The following TENT2 variants were observed in gnomAD, a reference collection of about 807,000 sequenced individuals.
TENT2 encodes poly(A) RNA polymerase GLD2.
Under a neutral mutation model 72.2 loss-of-function variants are expected in TENT2, and 44 were observed. The observed-to-expected ratio is 0.61, with a 90% CI of 0.48 to 0.78. TENT2 has a LOEUF of 0.78. Among genes scored for constraint, TENT2 ranks in the 30% least tolerant of loss-of-function variants. The probability of loss-of-function intolerance (pLI) is 0.00; values close to 1 mark genes in which losing one functional copy is unlikely to be tolerated. For missense variants in TENT2, 541 were observed against 569.6 expected, an observed-to-expected ratio of 0.95 and a Z score of 0.51; for synonymous variants, 212 against 192.5, an observed-to-expected ratio of 1.10 and a Z score of -0.84.
chr5:79,654,580 G>A lies in TENT2; in HGVS notation c.1028-2378G>A, dbSNP rs116858012. On this transcript the variant is annotated intron_variant, in intron 10 of 14. Coordinates refer to ENST00000453514, the MANE Select transcript of TENT2 (RefSeq NM_001114394.3). Reference sequence around the variant, plus strand: ...ATTGTCTTTGCAGAGCCTGGCCAACGTGGCGAAACCCTGTCTCTACTAAAA... The same window carrying A: ...ATTGTCTTTGCAGAGCCTGGCCAACATGGCGAAACCCTGTCTCTACTAAAA... Among the ~76,000 whole-genome samples the A allele has an allele frequency of 5.9e-5, 9 of 152,006 alleles. No individual in the cohort carries two copies. In the East Asian group the frequency reaches 9.7e-4, roughly 16 times the overall value.
intron 6 of TENT2, among the ~76,000 whole-genome samples, chr5:79,642,197 T>G (rs1228583756): frequency 6.6e-6 from 1 of 152,072 alleles, no homozygotes; most frequent in African/African-American, 2.4e-5. Context: ...TTCATATTAT[T>G]CCACTAGCGA....
chr5:79,673,743 A>C (rs1814899478), intron 12 of TENT2, among the ~76,000 whole-genome samples: 1 of 152,176 alleles, frequency 6.6e-6, no homozygotes, highest in African/African-American at 2.4e-5. Context: ...CAAGATATTC[A>C]AGTGGAGATA....
At chr5:79,674,494 G>A (rs998789533) in intron 12 of TENT2, among the ~76,000 whole-genome samples, 1 of 152,204 alleles carries the variant, frequency 6.6e-6, no homozygotes, top group Non-Finnish European at 1.5e-5. Context: ...TTATAATCCA[G>A]TTGGGGTGGG....
chr5:79,623,523 G>A (rs1202570495), intron 4 of TENT2, 34 bp downstream of exon 4: 1 of 1,423,818 alleles, frequency 7.0e-7, no homozygotes, highest in Non-Finnish European at 9.6e-7. Flanking sequence ...TTTGCCTTTT[G>A]GGAATTTAGT....
chr5:79,651,913 T>C (rs570741659), intron 10 of TENT2, among the ~76,000 whole-genome samples: 1 of 152,256 alleles, frequency 6.6e-6, no homozygotes, highest in African/African-American at 2.4e-5. Context: ...CAGAATATAA[T>C]CTTATACTCT....
Position 79,641,214 on chromosome 5 carries a change from T to C in TENT2, c.672+18T>C. On this transcript the variant is annotated intron_variant, in intron 6 of 14. Transcript: ENST00000453514. The stretch of plus-strand genomic sequence containing the variant: ...AAGAACCAGTAAGTAAGGAAACATT[T>C]ATTCCAAGTGTGTTTCTCATGTTAA... The C allele has an allele frequency of 6.6e-7, 1 of 1,520,210 alleles. No individual in the cohort carries two copies. Among genetic ancestry groups the C allele is most frequent in the Non-Finnish European group, 8.8e-7 (1 of 1,137,632 alleles). 94.2% of individuals were successfully genotyped at this position (1,520,210 alleles called of 1,614,324 possible). A position where few individuals can be genotyped will look rare whatever the true frequency, so the allele number is the denominator to read the frequency against.
chr5:79,634,756 A>G (rs547952435), intron 4 of TENT2, among the ~76,000 whole-genome samples: 1 of 150,438 alleles, frequency 6.6e-6, no homozygotes, highest in Non-Finnish European at 1.5e-5. Flanking sequence ...AGTTAATTTT[A>G]TAATGATAGA....
intron 9 of TENT2, 138 bp downstream of exon 9, chr5:79,648,831 C>G (rs1791244749): frequency 1.2e-6 from 1 of 803,530 alleles, no homozygotes; most frequent in Admixed American, 2.9e-5. Flanking sequence ...TGTTGCTACA[C>G]TAAAATCATA....
intron 4 of TENT2, among the ~76,000 whole-genome samples, chr5:79,634,189 C>T (rs895973857): frequency 6.6e-6 from 1 of 151,360 alleles, no homozygotes; most frequent in East Asian, 1.9e-4. Flanking sequence ...TGAATCCCAG[C>T]CAGCACTTCA....
intron 10 of TENT2, among the ~76,000 whole-genome samples, chr5:79,652,010 A>T (rs184477656): frequency 3.2e-4 from 48 of 152,234 alleles, no homozygotes; most frequent in African/African-American, 1.0e-3. Context: ...AATAATGACA[A>T]AATGGAATAC....
Position 79,687,316 on chromosome 5 carries a change from G to A in TENT2, c.*2043G>A, listed in dbSNP as rs549371090. Among the ~76,000 whole-genome samples, 22 of 152,190 alleles carry A rather than the reference G, an allele frequency of 1.4e-4. No homozygotes were observed. The South Asian group carries it at 4.1e-3, about 29-fold the overall frequency. On this transcript the variant is annotated 3_prime_UTR_variant, in exon 15 of 15. Transcript: ENST00000453514. The stretch of plus-strand genomic sequence containing the variant: ...GTTATTAATCTCAATTATTTGTGTG[G>A]TGAGTACTAAATTATTTTCTGTTTG...
chr5:79,683,856 G>A (rs374736820), intron 14 of TENT2, among the ~76,000 whole-genome samples: 7 of 143,556 alleles, frequency 4.9e-5, no homozygotes, highest in South Asian at 2.2e-4. Flanking sequence ...CCCGGGAGGC[G>A]GAGCTTGCAG....
chr5:79,648,582 AAAGTTT>A (rs1791039833), intron 8 of TENT2, 29 bp from the exon 9 acceptor site: 1 of 1,408,032 alleles, frequency 7.1e-7, no homozygotes, highest in African/African-American at 1.5e-5. Flanking sequence ...TTCTTCAGCT[AAAGTTT>A]ATTTATTTAT....
Position 79,639,126 on chromosome 5 carries a change from CA to C in TENT2, c.466-1724del, listed in dbSNP as rs1716003645. Among the ~76,000 whole-genome samples the C allele has an allele frequency of 6.6e-5, 10 of 151,070 alleles. No individual in the cohort carries two copies. The South Asian group carries it at 2.1e-3, about 31-fold the overall frequency. On this transcript the variant is annotated intron_variant, in intron 4 of 14. Transcript: ENST00000453514. Reference sequence around the variant, plus strand: ...TATTGGTAGAGAGATTAGCTTTGAACAGGGGAAAAGGACGCCTTTTTTTTTT... The same window carrying C: ...TATTGGTAGAGAGATTAGCTTTGAACGGGGAAAAGGACGCCTTTTTTTTTT...
At chr5:79,660,073 A>G (rs1316821794) in intron 11 of TENT2, among the ~76,000 whole-genome samples, 1 of 152,068 alleles carries the variant, frequency 6.6e-6, no homozygotes, top group Non-Finnish European at 1.5e-5. Flanking sequence ...GAATGGAATA[A>G]ATTTGTTCAG....
intron 10 of TENT2, among the ~76,000 whole-genome samples, chr5:79,653,324 A>G (rs1300157824): frequency 6.6e-6 from 1 of 151,970 alleles, no homozygotes; most frequent in East Asian, 1.9e-4. Flanking sequence ...TCCATCTACA[A>G]AAATAAAAAA....
chr5:79,651,183 A>G (rs905312526), intron 10 of TENT2, among the ~76,000 whole-genome samples: 4 of 151,768 alleles, frequency 2.6e-5, no homozygotes, highest in Non-Finnish European at 5.9e-5. Context: ...TTTTTTTGCA[A>G]AGGTTTCAAG....
intron 11 of TENT2, among the ~76,000 whole-genome samples, chr5:79,657,612 A>G (rs879497020): frequency 6.6e-6 from 1 of 152,152 alleles, no homozygotes; most frequent in Non-Finnish European, 1.5e-5. Flanking sequence ...CACATAGGTT[A>G]TGTATGTATT....
intron 4 of TENT2, among the ~76,000 whole-genome samples, chr5:79,634,326 T>C (rs1475056279): frequency 2.0e-5 from 3 of 151,956 alleles, no homozygotes; most frequent in East Asian, 3.9e-4. Flanking sequence ...GGAAGAAATA[T>C]TTATTTTTAT....
Sources: allele counts gnomAD v4.1 joint callset (sites outside exome capture counted in the v4.1 genomes callset), GRCh38; gene constraint gnomAD v4.1.1; transcripts MANE v1.5; gene names NCBI Gene and HGNC (gene_info 2026-07-23, HGNC 2026-07-21).